The following SIPA1L3 variants were observed in gnomAD, a reference collection of about 807,000 sequenced individuals.
SIPA1L3 encodes the protein signal induced proliferation associated 1 like 3, also known as signal-induced proliferation-associated 1-like protein 3.
A neutral mutation model predicts 150.1 loss-of-function variants in SIPA1L3; 59 were observed. The ratio of observed to expected loss-of-function variants is 0.39; its 90% CI spans 0.32 to 0.49. The LOEUF (loss-of-function observed/expected upper bound fraction) is 0.49. Among genes scored for constraint, SIPA1L3 ranks in the 20% least tolerant of loss-of-function variants. The probability of loss-of-function intolerance (pLI) is 0.86; values close to 1 mark genes in which losing one functional copy is unlikely to be tolerated. For synonymous variants in SIPA1L3, 1,070 were observed against 1,077.6 expected, an observed-to-expected ratio of 0.99 and a Z score of 0.14; for missense variants, 2,211 against 2,489.5, an observed-to-expected ratio of 0.89 and a Z score of 2.38.
chr19:37,998,225 G>A (rs750734607), intron 1 of SIPA1L3, among the ~76,000 whole-genome samples: 24 of 152,116 alleles, frequency 1.6e-4, no homozygotes, highest in Non-Finnish European at 2.6e-4. Context: ...GATTTGTATC[G>A]CCTAGAGTCC....
intron 1 of SIPA1L3, among the ~76,000 whole-genome samples, chr19:37,969,890 A>G (rs1034499496): frequency 2.6e-5 from 4 of 152,214 alleles, no homozygotes; most frequent in African/African-American, 4.8e-5. Flanking sequence ...AGCAGTTATC[A>G]TAATATTTAA....
chr19:38,035,029 T>A (rs1968748810), intron 2 of SIPA1L3, among the ~76,000 whole-genome samples: 1 of 152,068 alleles, frequency 6.6e-6, no homozygotes, highest in African/African-American at 2.4e-5. Flanking sequence ...CCCAGAGTGG[T>A]CAGGTCTGTG....
intron 8 of SIPA1L3, among the ~76,000 whole-genome samples, chr19:38,111,945 A>G (rs1329287189): frequency 2.0e-5 from 3 of 151,590 alleles, no homozygotes; most frequent in Non-Finnish European, 2.9e-5. Flanking sequence ...GCACATGCAC[A>G]CACATACATG....
At chr19:38,140,599 A>G (rs745641911) in intron 10 of SIPA1L3, among the ~76,000 whole-genome samples, 1 of 152,160 alleles carries the variant, frequency 6.6e-6, no homozygotes, top group East Asian at 1.9e-4. Flanking sequence ...TGGGTCAGGT[A>G]GAAGCGAGGG....
intron 1 of SIPA1L3, among the ~76,000 whole-genome samples, chr19:37,981,970 C>T (rs755777676): frequency 1.3e-5 from 2 of 152,132 alleles, no homozygotes; most frequent in African/African-American, 4.8e-5. Flanking sequence ...TTTGTGAGCA[C>T]GTTAATCTAT....
intron 1 of SIPA1L3, among the ~76,000 whole-genome samples, chr19:38,024,240 C>T (rs1968449750): frequency 6.6e-6 from 1 of 152,176 alleles, no homozygotes; most frequent in African/African-American, 2.4e-5. Context: ...GTGATAATGC[C>T]TGCTTCATAG....
At chr19:38,189,649 C>A (rs1448117199) in intron 16 of SIPA1L3, among the ~76,000 whole-genome samples, 1 of 152,046 alleles carries the variant, frequency 6.6e-6, no homozygotes, top group Non-Finnish European at 1.5e-5. Context: ...GCCTGTAATC[C>A]CAGCTACTCG....
intron 2 of SIPA1L3, among the ~76,000 whole-genome samples, chr19:38,069,321 T>G (rs1281890647): frequency 6.6e-6 from 1 of 152,150 alleles, no homozygotes; most frequent in Admixed American, 6.5e-5. Context: ...ACCAGTGCCC[T>G]TCATACCTAT....
At chr19:38,177,471 G>A (rs945233855) in intron 15 of SIPA1L3, among the ~76,000 whole-genome samples, 3 of 151,378 alleles carry the variant, frequency 2.0e-5, no homozygotes, top group Admixed American at 6.6e-5. Context: ...ACAGGAGTTC[G>A]AGACCTGCCT....
intron 16 of SIPA1L3, among the ~76,000 whole-genome samples, chr19:38,190,676 A>G (rs1179735880): frequency 1.3e-5 from 2 of 152,194 alleles, no homozygotes; most frequent in Non-Finnish European, 2.9e-5. Context: ...AAAAGCTTTT[A>G]TTAAGCTAGT....
chr19:38,133,646 T>C (rs1488746480), intron 10 of SIPA1L3, among the ~76,000 whole-genome samples: 1 of 151,466 alleles, frequency 6.6e-6, no homozygotes, highest in East Asian at 1.9e-4. Flanking sequence ...TATCACAGAG[T>C]GGGGAGGCAG....
chr19:38,048,679 C>G (rs561260835), intron 2 of SIPA1L3, among the ~76,000 whole-genome samples: 71 of 152,328 alleles, frequency 4.7e-4, no homozygotes, highest in Non-Finnish European at 9.0e-4. Flanking sequence ...CAAATCGTGT[C>G]AGGCCCAACA....
At chr19:38,136,393 C>CT (rs2145929328) in intron 10 of SIPA1L3, among the ~76,000 whole-genome samples, 1 of 151,964 alleles carries the variant, frequency 6.6e-6, no homozygotes, top group South Asian at 2.1e-4. Context: ...CACCTGAGAT[C>CT]AGGAGTTCAA....
At chr19:37,911,512 C>T (rs980552595) in intron 1 of SIPA1L3, among the ~76,000 whole-genome samples, 1 of 143,754 alleles carries the variant, frequency 7.0e-6, no homozygotes, top group African/African-American at 2.5e-5. Context: ...TCTGAGATGT[C>T]TTTTTTTTTT....
chr19:38,138,910 A>ACAAAAACAAAAACAAAAAC lies in SIPA1L3; in HGVS notation c.3144-2274_3144-2273insCAAAAACAAAAACAAAAAC, dbSNP rs1971503984. Among the ~76,000 whole-genome samples, 7 of 112,786 alleles carry ACAAAAACAAAAACAAAAAC rather than the reference A, an allele frequency of 6.2e-5. 1 individual carries two copies. The highest frequency in any genetic ancestry group is 7.6e-5 in the African/African-American group (2 of 26,184). The allele number at this position is 112,786 out of a possible 152,430, so 74.0% of individuals were successfully genotyped here. A position where few individuals can be genotyped will look rare whatever the true frequency, so the allele number is the denominator to read the frequency against. ...GAGACTCTATCTCAAAAAAAAAAAAAAAAAACTGAGTGTGGTGGCTCACGC... is the reference window on the plus strand; with the variant it reads ...GAGACTCTATCTCAAAAAAAAAAAAACAAAAACAAAAACAAAAACAAAAACTGAGTGTGGTGGCTCACGC... On this transcript the variant is annotated intron_variant, in intron 10 of 21. Coordinates refer to ENST00000222345, the MANE Select transcript of SIPA1L3 (RefSeq NM_015073.3).
At chr19:37,929,040 T>C (rs1158266595) in intron 1 of SIPA1L3, among the ~76,000 whole-genome samples, 1 of 152,242 alleles carries the variant, frequency 6.6e-6, no homozygotes, top group Non-Finnish European at 1.5e-5. Context: ...CATCTCTCAC[T>C]TGCTGTGTAT....
intron 12 of SIPA1L3, among the ~76,000 whole-genome samples, chr19:38,145,196 T>G (rs1971677049): frequency 6.6e-6 from 1 of 151,436 alleles, no homozygotes; most frequent in Non-Finnish European, 1.5e-5. Flanking sequence ...TTTTAACTTT[T>G]TATTTTGTAA....
chr19:38,153,874 CAGTG>C (rs1971884078), intron 13 of SIPA1L3, among the ~76,000 whole-genome samples: 2 of 151,918 alleles, frequency 1.3e-5, no homozygotes, highest in Admixed American at 6.6e-5. Flanking sequence ...GCAGAGGTTG[CAGTG>C]AGCCGAGATC....
chr19:38,006,909 T>C (rs964037907), intron 1 of SIPA1L3, among the ~76,000 whole-genome samples: 1 of 152,218 alleles, frequency 6.6e-6, no homozygotes, highest in Admixed American at 6.5e-5. Context: ...TGTGTGTGCC[T>C]TAATAAGGCA....
Sources: allele counts gnomAD v4.1 joint callset (sites outside exome capture counted in the v4.1 genomes callset), GRCh38; gene constraint gnomAD v4.1.1; transcripts MANE v1.5; gene names NCBI Gene and HGNC (gene_info 2026-07-23, HGNC 2026-07-21).